LRRFIP2: variants seen among roughly 807,000 people sequenced by gnomAD.
LRRFIP2 encodes leucine-rich repeat flightless-interacting protein 2.
Under a neutral mutation model 125.9 loss-of-function variants are expected in LRRFIP2, and 109 were observed. That is an observed-to-expected ratio of 0.87 (90% confidence interval 0.74 to 1.01). LRRFIP2 has a LOEUF of 1.01. Ranked by LOEUF, LRRFIP2 falls within the 50% of genes least tolerant of loss-of-function variation. LRRFIP2 has a pLI of 0.00. For synonymous variants in LRRFIP2, 291 were observed against 293.1 expected, an observed-to-expected ratio of 0.99 and a Z score of 0.07; for missense variants, 850 against 862.3, an observed-to-expected ratio of 0.99 and a Z score of 0.18.
In LRRFIP2 at chr3:37,052,775, C is replaced by T. The variant is rs1243675583; in HGVS notation, c.*1076G>A. On this transcript the variant is annotated 3_prime_UTR_variant, in exon 28 of 28. Coordinates refer to ENST00000336686, the MANE Select transcript of LRRFIP2 (RefSeq NM_006309.4). ...AGATACAATAATCATTTCTATAAAA[C>T]CACCTGGGTACTAAGAGCAAAAGAG... The T allele has an allele frequency of 6.6e-6, 1 of 152,090 alleles. No individual in the cohort carries two copies. Among genetic ancestry groups the T allele is most frequent in the Non-Finnish European group, 1.5e-5 (1 of 68,028 alleles). The allele number at this position is 152,090 out of a possible 1,614,324, so 9.4% of individuals were successfully genotyped here.
intron 1 of LRRFIP2, chr3:37,170,927 G>A (rs2096577577): frequency 6.6e-6 from 1 of 151,954 alleles, no homozygotes; most frequent in Non-Finnish European, 1.5e-5. Context: ...TACAAAAATT[G>A]GCCCTGTGTG....
chr3:37,140,002 C>T (rs928533952), intron 2 of LRRFIP2, among the ~76,000 whole-genome samples: 2 of 152,184 alleles, frequency 1.3e-5, no homozygotes, highest in African/African-American at 4.8e-5. Flanking sequence ...TTTTTCTATT[C>T]TTATCTCATC....
Position 37,075,050 on chromosome 3 carries a change from G to C in LRRFIP2, c.1345C>G (p.Leu449Val). The C allele has an allele frequency of 6.2e-7, 1 of 1,612,610 alleles. No homozygotes were observed. The highest frequency in any genetic ancestry group is 8.5e-7 in the Non-Finnish European group (1 of 1,179,626). ...TCAATAAGCTCATCTCTTTGCCGCA[G>C]GCCTTCTTTAAGTTCTTCCATCTTA... Reference protein sequence around the residue: ...QHKMEELKEGLRQRDELIEEK... With the variant: ...QHKMEELKEGVRQRDELIEEK... The change falls in exon 20 of 28, where the codon CTG becomes GTG. Residue 449 changes from leucine to valine, a missense_variant. Leu to Val is a conservative substitution (Grantham distance 32). Transcript: ENST00000336686.
Position 37,111,081 on chromosome 3 carries a change from T to C in LRRFIP2, c.439-16A>G. ...AGAGGCCACTCTGCAAAAAGCAAAATTAAACACATTTTTCTTAGGCTAAAT... is the reference window on the plus strand; with the variant it reads ...AGAGGCCACTCTGCAAAAAGCAAAACTAAACACATTTTTCTTAGGCTAAAT... On this transcript the variant is annotated splice_polypyrimidine_tract_variant and intron_variant, in intron 8 of 27. Coordinates refer to ENST00000336686, the MANE Select transcript of LRRFIP2 (RefSeq NM_006309.4). 1 of 1,608,230 alleles carries C rather than the reference T, an allele frequency of 6.2e-7. No individual in the cohort carries two copies. The highest frequency in any genetic ancestry group is 8.5e-7 in the Non-Finnish European group (1 of 1,175,498).
intron 13 of LRRFIP2, among the ~76,000 whole-genome samples, chr3:37,106,591 T>A (rs1576678371): frequency 6.6e-6 from 1 of 152,188 alleles, no homozygotes; most frequent in East Asian, 1.9e-4. Context: ...GAGGATTACT[T>A]GAGCCCAAGA....
intron 19 of LRRFIP2, among the ~76,000 whole-genome samples, chr3:37,082,176 A>C (rs2092698810): frequency 6.6e-6 from 1 of 152,178 alleles, no homozygotes; most frequent in South Asian, 2.1e-4. Context: ...CAGCAAAAAA[A>C]GGAGTCCAGA....
rs377182786 is a variant in LRRFIP2, at chr3:37,138,459, A to C, written c.91-9310T>G. ...ATTTCACTTGAGACTGCTATCTGAG[A>C]GGAGGAAAAGGGTATGTATATTTAA... On this transcript the variant is annotated intron_variant, in intron 2 of 27. Transcript: ENST00000336686. Among the ~76,000 whole-genome samples, 15 of 152,332 alleles carry C rather than the reference A, an allele frequency of 9.8e-5. No individual in the cohort carries two copies. The South Asian group carries it at 2.7e-3, about 27-fold the overall frequency.
chr3:37,122,347 C>G (rs1023115952), intron 4 of LRRFIP2, among the ~76,000 whole-genome samples: 2 of 152,028 alleles, frequency 1.3e-5, no homozygotes, highest in Admixed American at 6.6e-5. Flanking sequence ...GGCAATGTTC[C>G]TATTTTATCA....
At chr3:37,168,227 T>C (rs57573958) in intron 1 of LRRFIP2, among the ~76,000 whole-genome samples, 3 of 152,090 alleles carry the variant, frequency 2.0e-5, no homozygotes, top group African/African-American at 7.2e-5. Context: ...AAACAGACAT[T>C]TGCATACTCA....
intron 19 of LRRFIP2, among the ~76,000 whole-genome samples, chr3:37,083,260 C>T (rs1431051957): frequency 2.0e-5 from 3 of 151,972 alleles, no homozygotes; most frequent in Non-Finnish European, 4.4e-5. Flanking sequence ...TTCAGAAGTT[C>T]ATAGAAAAAA....
chr3:37,107,043 T>A (rs1379684086), intron 13 of LRRFIP2, among the ~76,000 whole-genome samples: 1 of 152,050 alleles, frequency 6.6e-6, no homozygotes, highest in African/African-American at 2.4e-5. Context: ...TAGCTGGGAT[T>A]ACAGGCATGT....
At chr3:37,091,596 G>A (rs1467063052) in intron 17 of LRRFIP2, 58 bp from the exon 18 acceptor site, 12 of 1,210,042 alleles carry the variant, frequency 9.9e-6, no homozygotes, top group East Asian at 2.4e-5. Context: ...ATCTTAAATC[G>A]CAAAGGATTC....
intron 13 of LRRFIP2, among the ~76,000 whole-genome samples, chr3:37,106,992 C>T (rs1046670811): frequency 2.0e-5 from 3 of 151,512 alleles, no homozygotes; most frequent in South Asian, 2.1e-4. Flanking sequence ...GCAGCCTCCA[C>T]CTCCCGGGTT....
chr3:37,062,968 G>C (rs896920698), intron 24 of LRRFIP2, among the ~76,000 whole-genome samples: 4 of 152,116 alleles, frequency 2.6e-5, no homozygotes, highest in Admixed American at 6.5e-5. Flanking sequence ...TGTACCGAGA[G>C]GGCAAGTCAC....
At chr3:37,102,416 G>GT (rs972347724) in intron 15 of LRRFIP2, among the ~76,000 whole-genome samples, 6 of 149,718 alleles carry the variant, frequency 4.0e-5, no homozygotes, top group Non-Finnish European at 5.9e-5. Context: ...GGGGGAAAAA[G>GT]TTTTTTTTTA....
At chr3:37,121,916 TTTC>T (rs1415196028) in intron 4 of LRRFIP2, among the ~76,000 whole-genome samples, 1 of 150,786 alleles carries the variant, frequency 6.6e-6, no homozygotes, top group Non-Finnish European at 1.5e-5. Context: ...ACTAGTTTTC[TTTC>T]TTTTTTTTTT....
At chr3:37,161,771 C>T (rs948127942) in intron 1 of LRRFIP2, among the ~76,000 whole-genome samples, 4 of 121,600 alleles carry the variant, frequency 3.3e-5, no homozygotes, top group South Asian at 2.6e-4. Context: ...AAATAAAGTT[C>T]AAGAAGTCTT....
intron 14 of LRRFIP2, among the ~76,000 whole-genome samples, chr3:37,104,880 T>C (rs1249792350): frequency 6.6e-6 from 1 of 152,108 alleles, no homozygotes; most frequent in African/African-American, 2.4e-5. Flanking sequence ...AGTCTCACTT[T>C]GCTACCCACA....
intron 6 of LRRFIP2, among the ~76,000 whole-genome samples, chr3:37,116,294 A>G (rs1185026048): frequency 2.2e-5 from 3 of 134,006 alleles, no homozygotes; most frequent in Non-Finnish European, 5.1e-5. Context: ...CACCATACTT[A>G]CCTAATTTTT....
Sources: gnomAD v4.1 joint callset for allele counts (sites outside exome capture counted in the v4.1 genomes callset) on GRCh38, gnomAD v4.1.1 for gene constraint, MANE v1.5 for transcripts, NCBI Gene and HGNC (gene_info 2026-07-23, HGNC 2026-07-21) for gene names.